Variants in C17orf67 observed in about 807,000 individuals in gnomAD.
The protein encoded by C17orf67 is uncharacterized protein C17orf67.
A neutral mutation model predicts 11.2 loss-of-function variants in C17orf67; 12 were observed. The observed-to-expected ratio is 1.07, with a 90% CI of 0.68 to 1.73. The LOEUF is 1.73. Ranked by LOEUF, C17orf67 falls within the 40% of genes most tolerant of loss-of-function variation. The pLI is 0.00. For synonymous variants in C17orf67, 59 were observed against 46.9 expected, an observed-to-expected ratio of 1.26 and a Z score of -1.05; for missense variants, 115 against 113.5, an observed-to-expected ratio of 1.01 and a Z score of -0.06.
At chr17:56,805,714 C>T (rs932991185) in intron 6 of C17orf67, among the ~76,000 whole-genome samples, 3 of 151,984 alleles carry the variant, frequency 2.0e-5, no homozygotes, top group Non-Finnish European at 4.4e-5. Context: ...ATTAAAAGTA[C>T]TTTATGCACA....
rs1766446218 is a variant in C17orf67 at position 56,815,960 on chromosome 17, T to G, written c.-150A>C. Reference sequence around the variant, plus strand: ...CTGAATGTATCTGACTCTGAGCGTTTTAGTAATGACCACTGAAATATTTTC... The same window carrying G: ...CTGAATGTATCTGACTCTGAGCGTTGTAGTAATGACCACTGAAATATTTTC... On this transcript the variant is annotated 5_prime_UTR_variant, in exon 5 of 8. Transcript: ENST00000397861. 7 of 1,429,062 alleles carry G rather than the reference T, an allele frequency of 4.9e-6. No individual in the cohort carries two copies. 88.5% of individuals were successfully genotyped at this position (1,429,062 alleles called of 1,614,324 possible).
At chr17:56,812,278 G>A (rs914673523) in intron 6 of C17orf67, among the ~76,000 whole-genome samples, 2 of 152,212 alleles carry the variant, frequency 1.3e-5, no homozygotes, top group African/African-American at 2.4e-5. Flanking sequence ...GGGCCAGAGG[G>A]TGGTGGAGGC....
At chr17:56,795,299 G>T in intron 6 of C17orf67, 119 bp from the exon 7 acceptor site, 1 of 842,772 alleles carries the variant, frequency 1.2e-6, no homozygotes, top group Non-Finnish European at 1.9e-6. Context: ...GCAGGGAGAA[G>T]AAATCAACGG....
At chr17:56,803,162 G>A (rs1229148455) in intron 6 of C17orf67, among the ~76,000 whole-genome samples, 3 of 152,240 alleles carry the variant, frequency 2.0e-5, no homozygotes, top group Non-Finnish European at 4.4e-5. Flanking sequence ...GTGCAATGGG[G>A]TTTCACAAGG....
At chr17:56,804,601 T>C (rs539726823) in intron 6 of C17orf67, among the ~76,000 whole-genome samples, 1 of 152,200 alleles carries the variant, frequency 6.6e-6, no homozygotes, top group Non-Finnish European at 1.5e-5. Context: ...CATGAAAGCA[T>C]ATTTTACAAA....
chr17:56,809,754 CACACACACCCCTCT>C (rs1567795917), intron 6 of C17orf67, among the ~76,000 whole-genome samples: 1 of 147,708 alleles, frequency 6.8e-6, no homozygotes, highest in Admixed American at 6.7e-5. Context: ...CATACACCCT[CACACACACCCCTCT>C]ACACACACAC....
At position 56,827,540 on chromosome 17, in the gene C17orf67, T is replaced by C. The variant is rs557425082; in HGVS notation, c.-556-2219A>G. 8.5e-5 allele frequency among the ~76,000 whole-genome samples: 13 copies of C among 152,348 alleles called. No individual in the cohort carries two copies. The South Asian group carries it at 2.5e-3, about 29-fold the overall frequency. On this transcript the variant is annotated intron_variant, in intron 2 of 7. Transcript: ENST00000397861. Reference sequence around the variant, plus strand: ...AGAAGTAGCAGAGTATCTTTAATGGTTTAATTTCAGTTGAAGCTGACTTGA... The same window carrying C: ...AGAAGTAGCAGAGTATCTTTAATGGCTTAATTTCAGTTGAAGCTGACTTGA...
At chr17:56,819,893 AAG>A (rs1235998261) in intron 4 of C17orf67, among the ~76,000 whole-genome samples, 1 of 152,226 alleles carries the variant, frequency 6.6e-6, no homozygotes, top group Non-Finnish European at 1.5e-5. Flanking sequence ...GATCAGGGGA[AAG>A]AGCTCAAGGC....
intron 6 of C17orf67, among the ~76,000 whole-genome samples, chr17:56,799,791 CGTT>C (rs1905276979): frequency 6.6e-6 from 1 of 152,106 alleles, no homozygotes; most frequent in African/African-American, 2.4e-5. Flanking sequence ...AGTGGCATCT[CGTT>C]GTTTTAAGTT....
Position 56,815,988 on chromosome 17 carries a change from C to G in C17orf67, c.-178G>C. ...GTAATGACCACTGAAATATTTTCCT[C>G]CGAATTCCTGTAAATTTTCATCCTG... On this transcript the variant is annotated 5_prime_UTR_variant, in exon 5 of 8. Transcript: ENST00000397861. The G allele has an allele frequency of 7.7e-7, 1 of 1,295,930 alleles. No individual in the cohort carries two copies. Among genetic ancestry groups the G allele is most frequent in the Non-Finnish European group, 1.0e-6 (1 of 968,482 alleles). 80.3% of individuals were successfully genotyped at this position (1,295,930 alleles called of 1,614,324 possible). A position where few individuals can be genotyped will look rare whatever the true frequency, so the allele number is the denominator to read the frequency against.
intron 4 of C17orf67, among the ~76,000 whole-genome samples, chr17:56,818,431 C>A (rs1905814761): frequency 6.6e-6 from 1 of 152,128 alleles, no homozygotes; most frequent in Admixed American, 6.5e-5. Flanking sequence ...ATTCCAAGGT[C>A]AGAGGATCAC....
chr17:56,810,074 GACAC>G (rs146935603), intron 6 of C17orf67, among the ~76,000 whole-genome samples: 4,256 of 53,540 alleles, frequency 0.079, 143 homozygotes, highest in Non-Finnish European at 0.12. Context: ...TCACACTTCT[GACAC>G]ACACCCTCAC....
At chr17:56,806,775 A>C (rs1038401769) in intron 6 of C17orf67, among the ~76,000 whole-genome samples, 7 of 152,310 alleles carry the variant, frequency 4.6e-5, no homozygotes, top group African/African-American at 1.7e-4. Flanking sequence ...TTTACACTTT[A>C]AGAAATGACT....
intron 2 of C17orf67, among the ~76,000 whole-genome samples, chr17:56,827,788 T>C (rs1054661706): frequency 7.9e-5 from 12 of 152,236 alleles, no homozygotes; most frequent in Admixed American, 6.5e-4. Flanking sequence ...GGCTTAGTGA[T>C]GGGTCTTAGT....
chr17:56,826,317 G>C (rs1023857027), intron 2 of C17orf67, among the ~76,000 whole-genome samples: 9 of 152,144 alleles, frequency 5.9e-5, no homozygotes, highest in Non-Finnish European at 8.8e-5. Context: ...TAAGCGTTCT[G>C]CATCAGCTAG....
chr17:56,815,849 C>T lies in C17orf67; in HGVS notation c.-39G>A. The T allele has an allele frequency of 6.2e-7, 1 of 1,613,114 alleles. No individual in the cohort carries two copies. Among genetic ancestry groups the T allele is most frequent in the Non-Finnish European group, 8.5e-7 (1 of 1,179,464 alleles). ...CTCTGCCTCTTGCTGAGTGAATCCT[C>T]CCAGACTGAGTCAGCCAACTTGAAG... On this transcript the variant is annotated 5_prime_UTR_variant, in exon 5 of 8. Transcript: ENST00000397861.
chr17:56,807,673 G>A (rs891747650), intron 6 of C17orf67, among the ~76,000 whole-genome samples: 3 of 151,814 alleles, frequency 2.0e-5, no homozygotes, highest in Admixed American at 1.3e-4. Flanking sequence ...CCTTCTTTTC[G>A]CACAGCCTGA....
chr17:56,795,245 T>C, intron 6 of C17orf67, 65 bp from the exon 7 acceptor site: 2 of 1,445,682 alleles, frequency 1.4e-6, no homozygotes, highest in Non-Finnish European at 1.9e-6. Flanking sequence ...TCAATATGCG[T>C]GGTGTGGCTC....
rs1378513439 is a variant in C17orf67, at chr17:56,791,945, A to G, written c.*428T>C. 1 of 152,148 alleles carries G rather than the reference A, an allele frequency of 6.6e-6. No homozygotes were observed. Among genetic ancestry groups the G allele is most frequent in the African/African-American group, 2.4e-5 (1 of 41,428 alleles). The allele number at this position is 152,148 out of a possible 1,614,324, so 9.4% of individuals were successfully genotyped here. On this transcript the variant is annotated 3_prime_UTR_variant, in exon 8 of 8. Transcript: ENST00000397861. Reference sequence around the variant, plus strand: ...AATACCAATGTTTATTAGGGCAGAAAAGAAGAGGAAAAAAATAGAGGACAA... The same window carrying G: ...AATACCAATGTTTATTAGGGCAGAAGAGAAGAGGAAAAAAATAGAGGACAA...
Sources: gnomAD v4.1 joint callset for allele counts (sites outside exome capture counted in the v4.1 genomes callset) on GRCh38, gnomAD v4.1.1 for gene constraint, MANE v1.5 for transcripts, NCBI Gene and HGNC (gene_info 2026-07-23, HGNC 2026-07-21) for gene names.